PIGN: variants seen among roughly 807,000 people sequenced by gnomAD.
PIGN encodes the protein GPI ethanolamine phosphate transferase 1.
PIGN carries 117 observed loss-of-function variants against 125.4 expected under a neutral mutation model. That is an observed-to-expected ratio of 0.93 (90% CI 0.80 to 1.09). The LOEUF (loss-of-function observed/expected upper bound fraction) is 1.09. Among genes scored for constraint, PIGN ranks in the 50% least tolerant of loss-of-function variants. PIGN has a pLI of 0.00. For synonymous variants in PIGN, 392 were observed against 377.8 expected, an observed-to-expected ratio of 1.04 and a Z score of -0.44; for missense variants, 1,075 against 1,094.9, an observed-to-expected ratio of 0.98 and a Z score of 0.26.
In PIGN at chr18:62,106,658, A is replaced by G. The variant is rs975032518; in HGVS notation, c.1767+131T>C. On this transcript the variant is annotated intron_variant, in intron 19 of 30. Transcript: ENST00000640252. ...TACAGGTAATGTCAGTCCTCCTATC[A>G]ATATGACTAGGCTCTTTTATGTAAG... 1.7e-5 allele frequency: 11 copies of G among 636,114 alleles called. No homozygotes were observed. In the Admixed American group the frequency reaches 3.2e-4, roughly 19 times the overall value. The allele number at this position is 636,114 out of a possible 1,614,324, so 39.4% of individuals were successfully genotyped here.
chr18:62,107,347 C>A (rs1310534425), intron 17 of PIGN: 1 of 364,502 alleles, frequency 2.7e-6, no homozygotes, highest in African/African-American at 2.1e-5. Flanking sequence ...GTAATCCCAG[C>A]ACTTTGGGAG....
Position 62,056,782 on chromosome 18 carries a change from C to T in PIGN, c.2673-10803G>A, listed in dbSNP as rs141237858. On this transcript the variant is annotated intron_variant, in intron 30 of 30. Transcript: ENST00000640252. ...AGGAGGTGAGCGGCGGGGAAGTGAGCGAAGCTTCATCTGTATTTGCAGCTG... is the reference window on the plus strand; with the variant it reads ...AGGAGGTGAGCGGCGGGGAAGTGAGTGAAGCTTCATCTGTATTTGCAGCTG... 1.0e-3 allele frequency: 158 copies of T among 152,360 alleles called. 1 individual carries two copies. Among genetic ancestry groups the T allele is most frequent in the Non-Finnish European group, 2.0e-3 (135 of 68,062 alleles). 9.4% of individuals were successfully genotyped at this position (152,360 alleles called of 1,614,324 possible).
intron 23 of PIGN, among the ~76,000 whole-genome samples, chr18:62,030,759 A>G (rs2144887818): frequency 6.6e-6 from 1 of 152,232 alleles, no homozygotes; most frequent in East Asian, 1.9e-4. Flanking sequence ...AAAAAAGATC[A>G]TGATCTTCTC....
intron 30 of PIGN, chr18:62,058,794 T>C (rs1402328034): frequency 1.1e-4 from 17 of 152,128 alleles, no homozygotes. Context: ...GCCACAGAAC[T>C]CTAAGGCTGA....
At chr18:62,073,816 T>G (rs1473931330) in intron 29 of PIGN, among the ~76,000 whole-genome samples, 1 of 152,200 alleles carries the variant, frequency 6.6e-6, no homozygotes, top group Non-Finnish European at 1.5e-5. Flanking sequence ...ACCGCTGGTG[T>G]TCATTCTCAG....
chr18:62,102,080 A>T (rs1002281433), intron 21 of PIGN, among the ~76,000 whole-genome samples: 1 of 151,708 alleles, frequency 6.6e-6, no homozygotes, highest in African/African-American at 2.4e-5. Context: ...ATACAACATT[A>T]GCCAGGCGTA....
At chr18:62,184,321 T>A (rs763330412) in intron 1 of PIGN, among the ~76,000 whole-genome samples, 1 of 152,210 alleles carries the variant, frequency 6.6e-6, no homozygotes, top group Non-Finnish European at 1.5e-5. Context: ...TTAATAACTA[T>A]CATTAGTCAG....
At chr18:62,150,339 C>T (rs1343286946) in intron 7 of PIGN, among the ~76,000 whole-genome samples, 8 of 151,902 alleles carry the variant, frequency 5.3e-5, no homozygotes, top group African/African-American at 1.2e-4. Flanking sequence ...GCCAACAAGA[C>T]GTATATTGAA....
At chr18:62,095,825 T>C (rs1384383571) in intron 23 of PIGN, 23 bp downstream of exon 23, 6 of 1,339,470 alleles carry the variant, frequency 4.5e-6, no homozygotes, top group Non-Finnish European at 6.4e-6. Context: ...TGCTATAAAA[T>C]TAAATTGTTA....
chr18:62,037,402 C>T (rs76308616), downstream of PIGN, among the ~76,000 whole-genome samples: 10,124 of 152,294 alleles, frequency 0.066, 619 homozygotes, highest in African/African-American at 0.16. Context: ...GGGCCATGGC[C>T]GGGCCTGTCC....
chr18:62,098,869 C>A (rs749123919), intron 22 of PIGN, among the ~76,000 whole-genome samples: 1 of 152,064 alleles, frequency 6.6e-6, no homozygotes, highest in East Asian at 1.9e-4. Context: ...TCCTCCTCAC[C>A]ATTCCAAAAC....
At chr18:62,155,418 A>G (rs1170035027) in intron 6 of PIGN, among the ~76,000 whole-genome samples, 1 of 152,030 alleles carries the variant, frequency 6.6e-6, no homozygotes, top group Non-Finnish European at 1.5e-5. Flanking sequence ...AAGAGAAAAA[A>G]ATTAGCTGGG....
chr18:62,152,824 G>A (rs979141176), intron 7 of PIGN, among the ~76,000 whole-genome samples: 1 of 151,500 alleles, frequency 6.6e-6, no homozygotes, highest in Admixed American at 6.6e-5. Context: ...CACTTAAAAT[G>A]CTTAAGACAG....
At chr18:62,108,731 C>T (rs1433397743) in intron 17 of PIGN, among the ~76,000 whole-genome samples, 1 of 152,072 alleles carries the variant, frequency 6.6e-6, no homozygotes, top group East Asian at 1.9e-4. Flanking sequence ...GCTGGAATTA[C>T]AGGTGCATAC....
chr18:62,145,765 T>C (rs1167219739), intron 10 of PIGN, 144 bp downstream of exon 10: 3 of 555,340 alleles, frequency 5.4e-6, no homozygotes, highest in South Asian at 2.3e-5. Context: ...CAACCCCTTG[T>C]AGTGTTTGTA....
At chr18:62,040,362 C>T (rs1251203679), downstream of PIGN, among the ~76,000 whole-genome samples, 1 of 152,202 alleles carries the variant, frequency 6.6e-6, no homozygotes, top group Admixed American at 6.5e-5. Flanking sequence ...TTGGCTTTGA[C>T]AGTTTCTCAG....
chr18:62,083,514 T>C (rs2033546933), intron 27 of PIGN, among the ~76,000 whole-genome samples: 1 of 152,182 alleles, frequency 6.6e-6, no homozygotes, highest in African/African-American at 2.4e-5. Context: ...CCCTCACTTC[T>C]AGACACATCA....
intron 23 of PIGN, among the ~76,000 whole-genome samples, chr18:62,030,092 G>A (rs942920247): frequency 3.3e-5 from 5 of 152,210 alleles, no homozygotes; most frequent in African/African-American, 1.2e-4. Context: ...TAGAACAGCA[G>A]CTCCAGCCAT....
chr18:62,065,645 A>G (rs62095274), intron 30 of PIGN, among the ~76,000 whole-genome samples: 50,920 of 151,978 alleles, frequency 0.34, 9,448 homozygotes, highest in East Asian at 0.63. Context: ...AGGCTGAGGC[A>G]GGAGAATGGT....
Sources: gnomAD v4.1 joint callset for allele counts (sites outside exome capture counted in the v4.1 genomes callset) on GRCh38, gnomAD v4.1.1 for gene constraint, MANE v1.5 for transcripts, NCBI Gene and HGNC (gene_info 2026-07-23, HGNC 2026-07-21) for gene names.